The following TNR variants were observed in gnomAD, a reference collection of about 807,000 sequenced individuals.
TNR encodes tenascin-R.
TNR carries 45 observed loss-of-function variants against 150.4 expected under a neutral mutation model. The observed-to-expected ratio is 0.30, with a 90% confidence interval of 0.24 to 0.38. The LOEUF is 0.38. Among genes scored for constraint, TNR ranks in the 10% least tolerant of loss-of-function variants. The pLI is 1.00. For missense variants in TNR, 1,544 were observed against 1,759.1 expected (o/e 0.88, Z 2.19); for synonymous variants, 687 against 678.4 (o/e 1.01, Z -0.20).
At chr1:175,337,394 G>C (rs1650300172) in intron 19 of TNR, 134 bp downstream of exon 19, 1 of 1,020,936 alleles carries the variant, frequency 9.8e-7, no homozygotes, top group Admixed American at 2.1e-5. Context: ...GCAATGAGGA[G>C]CCCCAAGATG....
intron 1 of TNR, among the ~76,000 whole-genome samples, chr1:175,579,157 G>A (rs991463903): frequency 3.1e-5 from 2 of 63,826 alleles, no homozygotes; most frequent in East Asian, 3.8e-4. Flanking sequence ...CCTTCCCTTC[G>A]TTCCTTCTTT....
intron 1 of TNR, among the ~76,000 whole-genome samples, chr1:175,657,183 T>A (rs1043583018): frequency 6.6e-6 from 1 of 152,172 alleles, no homozygotes; most frequent in Non-Finnish European, 1.5e-5. Context: ...AGATGCCAGG[T>A]GACCATCAGA....
intron 18 of TNR, among the ~76,000 whole-genome samples, chr1:175,340,268 C>T (rs932193014): frequency 4.6e-5 from 7 of 152,108 alleles, no homozygotes; most frequent in Non-Finnish European, 1.0e-4. Flanking sequence ...AATGATGCAT[C>T]GTTGCTGGGT....
chr1:175,567,339 C>T (rs1006702511), intron 1 of TNR, among the ~76,000 whole-genome samples: 7 of 152,134 alleles, frequency 4.6e-5, no homozygotes, highest in Non-Finnish European at 1.0e-4. Context: ...GACAGTGCTG[C>T]GGGCTGATGG....
intron 2 of TNR, among the ~76,000 whole-genome samples, chr1:175,465,692 G>C (rs1434066292): frequency 5.3e-5 from 8 of 152,168 alleles, no homozygotes; most frequent in African/African-American, 1.9e-4. Flanking sequence ...GAAGTATCCA[G>C]GAGCTCCACC....
At chr1:175,607,158 T>A (rs1282544541) in intron 1 of TNR, among the ~76,000 whole-genome samples, 1 of 152,214 alleles carries the variant, frequency 6.6e-6, no homozygotes, top group Non-Finnish European at 1.5e-5. Context: ...TTATCTCCAG[T>A]GTTTATGAAT....
rs539805988 is a variant in TNR, at chr1:175,637,669, G to A, written c.-165+105557C>T. Among the ~76,000 whole-genome samples, 122 of 152,280 alleles carry A rather than the reference G, an allele frequency of 8.0e-4. 1 individual carries two copies. Among genetic ancestry groups the A allele is most frequent in the African/African-American group, 2.8e-3 (115 of 41,558 alleles). ...CATCTTAAGGGGCCAAAATAATCCA[G>A]GTATCAGCTAATCAATGGCTGGATA... On this transcript the variant is annotated intron_variant, in intron 1 of 22. Transcript: ENST00000367674.
At chr1:175,348,679 A>C (rs186666950) in intron 18 of TNR, among the ~76,000 whole-genome samples, 30 of 152,326 alleles carry the variant, frequency 2.0e-4, no homozygotes, top group Admixed American at 1.8e-3. Context: ...TACAGAACAG[A>C]TGGATTATTT....
At chr1:175,585,008 C>G (rs1465156196) in intron 1 of TNR, among the ~76,000 whole-genome samples, 1 of 152,188 alleles carries the variant, frequency 6.6e-6, no homozygotes, top group East Asian at 1.9e-4. Context: ...ACTGGCTTCC[C>G]TTAGCTACCT....
intron 21 of TNR, among the ~76,000 whole-genome samples, chr1:175,328,989 GC>G (rs1177004239): frequency 6.6e-6 from 1 of 152,194 alleles, no homozygotes; most frequent in Non-Finnish European, 1.5e-5. Context: ...GCTATTTTAT[GC>G]CCAAAGTGTG....
chr1:175,473,299 A>C (rs547689964), intron 2 of TNR, among the ~76,000 whole-genome samples: 26 of 152,274 alleles, frequency 1.7e-4, no homozygotes, highest in African/African-American at 6.0e-4. Flanking sequence ...TGTTCCTGTC[A>C]ATATCATCAC....
intron 1 of TNR, among the ~76,000 whole-genome samples, chr1:175,623,333 T>C (rs529734880): frequency 1.2e-4 from 18 of 152,344 alleles, no homozygotes; most frequent in Non-Finnish European, 5.9e-5. Flanking sequence ...TAGTACCTGA[T>C]ACAGTCTTTG....
chr1:175,701,780 G>C (rs998158040), intron 1 of TNR, among the ~76,000 whole-genome samples: 3 of 152,212 alleles, frequency 2.0e-5, no homozygotes, highest in Admixed American at 6.5e-5. Context: ...CAGCACCAGG[G>C]AGCTGGTTAG....
At chr1:175,337,480 A>G in intron 19 of TNR, 48 bp downstream of exon 19, 4 of 1,609,974 alleles carry the variant, frequency 2.5e-6, no homozygotes, top group Non-Finnish European at 3.4e-6. Flanking sequence ...TAGGTAGACT[A>G]GAACACTGAG....
chr1:175,459,424 A>G (rs1656718816), intron 2 of TNR, among the ~76,000 whole-genome samples: 1 of 152,224 alleles, frequency 6.6e-6, no homozygotes, highest in African/African-American at 2.4e-5. Context: ...GGCTCACACC[A>G]GTGCAAAATG....
chr1:175,621,176 T>G (rs1445701413), intron 1 of TNR, among the ~76,000 whole-genome samples: 1 of 152,210 alleles, frequency 6.6e-6, no homozygotes. Flanking sequence ...CAACATGTAT[T>G]GTGACCAACT....
intron 1 of TNR, among the ~76,000 whole-genome samples, chr1:175,620,396 A>G (rs1663930384): frequency 6.6e-6 from 1 of 152,164 alleles, no homozygotes; most frequent in Non-Finnish European, 1.5e-5. Flanking sequence ...ACCAGGCTGG[A>G]GTATTGGTAG....
At chr1:175,480,431 G>GAAAGAAAGAAAGAAAGAA (rs1435606440) in intron 2 of TNR, among the ~76,000 whole-genome samples, 2 of 140,348 alleles carry the variant, frequency 1.4e-5, no homozygotes, top group African/African-American at 5.0e-5. Context: ...AAGAAAGAAA[G>GAAAGAAAGAAAGAAAGAA]AAAGAAAGAA....
intron 2 of TNR, among the ~76,000 whole-genome samples, chr1:175,490,348 G>T (rs1168527973): frequency 1.3e-5 from 2 of 152,188 alleles, no homozygotes; most frequent in Non-Finnish European, 2.9e-5. Context: ...AAAAGCAATT[G>T]CAACAGAAGC....
Sources: gnomAD v4.1 joint callset for allele counts (sites outside exome capture counted in the v4.1 genomes callset) on GRCh38, gnomAD v4.1.1 for gene constraint, MANE v1.5 for transcripts, NCBI Gene and HGNC (gene_info 2026-07-23, HGNC 2026-07-21) for gene names.